The following RRBP1 variants were observed in gnomAD, a reference collection of about 807,000 sequenced individuals.
RRBP1 encodes the protein ribosome-binding protein 1.
Under a neutral mutation model 165.2 loss-of-function variants are expected in RRBP1, and 94 were observed. The observed-to-expected ratio is 0.57, with a 90% CI of 0.48 to 0.68. The LOEUF is 0.68. RRBP1 is among the 30% of genes least tolerant of loss of function. The pLI is 0.00. For synonymous variants in RRBP1, 680 were observed against 714.5 expected (o/e 0.95, Z 0.77); for missense variants, 1,676 against 1,763.0 (o/e 0.95, Z 0.88).
chr20:17,614,265 C>T, intron 24 of RRBP1, 45 bp from the exon 25 acceptor site: 1 of 1,598,670 alleles, frequency 6.3e-7, no homozygotes. Context: ...GGCCACGAGC[C>T]ATGGCAGAAC....
intron 8 of RRBP1, among the ~76,000 whole-genome samples, chr20:17,631,521 C>A (rs1055466734): frequency 6.6e-6 from 1 of 152,276 alleles, no homozygotes; most frequent in Non-Finnish European, 1.5e-5. Context: ...ACTGTCTTTG[C>A]CTTGAAGAGA....
intron 2 of RRBP1, among the ~76,000 whole-genome samples, chr20:17,674,253 G>C (rs747708365): frequency 2.0e-5 from 3 of 152,134 alleles, no homozygotes; most frequent in Non-Finnish European, 4.4e-5. Context: ...GAGAGAAGAG[G>C]AGAAACAAAG....
chr20:17,642,925 AC>A, intron 4 of RRBP1, 53 bp downstream of exon 4: 1 of 1,588,222 alleles, frequency 6.3e-7, no homozygotes, highest in Non-Finnish European at 8.6e-7. Flanking sequence ...GGGCAAAACC[AC>A]CCTAGCCAGC....
intron 20 of RRBP1, among the ~76,000 whole-genome samples, chr20:17,617,305 G>A (rs1226458314): frequency 6.6e-6 from 1 of 152,228 alleles, no homozygotes; most frequent in Non-Finnish European, 1.5e-5. Context: ...ACTGGGGTTA[G>A]GTGGCATATC....
chr20:17,676,876 T>C (rs2037092185), intron 2 of RRBP1, among the ~76,000 whole-genome samples: 1 of 152,118 alleles, frequency 6.6e-6, no homozygotes, highest in Non-Finnish European at 1.5e-5. Context: ...GCCACCTGAG[T>C]AGCCAGGACT....
At chr20:17,624,396 G>A (rs573181717) in intron 13 of RRBP1, among the ~76,000 whole-genome samples, 180 bp downstream of exon 13, 17 of 152,290 alleles carry the variant, frequency 1.1e-4, no homozygotes, top group African/African-American at 3.8e-4. Context: ...GCGTCTGTGC[G>A]TACTAGTGCA....
chr20:17,633,088 T>G (rs144484388), intron 8 of RRBP1, among the ~76,000 whole-genome samples: 1 of 152,324 alleles, frequency 6.6e-6, no homozygotes, highest in Non-Finnish European at 1.5e-5. Flanking sequence ...GCTTCTGCCA[T>G]GTCCTGGCTG....
At chr20:17,650,569 C>T (rs1458946974) in intron 3 of RRBP1, among the ~76,000 whole-genome samples, 3 of 152,212 alleles carry the variant, frequency 2.0e-5, no homozygotes, top group Non-Finnish European at 4.4e-5. Flanking sequence ...CCCTGCATCC[C>T]CGCATCCCCT....
intron 2 of RRBP1, among the ~76,000 whole-genome samples, chr20:17,669,635 G>C (rs1198922904): frequency 6.6e-6 from 1 of 152,138 alleles, no homozygotes; most frequent in Non-Finnish European, 1.5e-5. Context: ...AACAACCCAA[G>C]TTTCCAGATG....
At position 17,643,059 on chromosome 20, in the gene RRBP1, C is replaced by T; in HGVS notation, c.1981G>A (p.Val661Met). Residue 661 changes from valine to methionine, a missense_variant, in exon 4 of 25, where the codon GTG becomes ATG. Coordinates refer to ENST00000377813, the MANE Select transcript of RRBP1 (RefSeq NM_001365613.2). This position sits in a 1 kb window ranked among gnomAD's most constrained non-coding sequence, Gnocchi z 4.3. ...KTLVSTVGSMVFNEGEAQRLI... is the reference protein window; with the variant it reads ...KTLVSTVGSMMFNEGEAQRLI... ...CGCTGGGCCTCGCCCTCGTTGAACA[C>T]CATGCTCCCAACCGTGGAGACCAGC... 6.2e-7 allele frequency: 1 copy of T among 1,614,140 alleles called. No homozygotes were observed. Among genetic ancestry groups the T allele is most frequent in the South Asian group, 1.1e-5 (1 of 91,080 alleles).
At chr20:17,635,696 A>G (rs778384642) in intron 6 of RRBP1, 32 bp from the exon 7 acceptor site, 1 of 1,549,558 alleles carries the variant, frequency 6.5e-7, no homozygotes, top group Non-Finnish European at 8.9e-7. Context: ...CATCAGAGGC[A>G]GCTCGGCCTC....
intron 2 of RRBP1, among the ~76,000 whole-genome samples, chr20:17,661,040 A>T (rs1202160497): frequency 1.3e-5 from 2 of 152,234 alleles, no homozygotes; most frequent in Non-Finnish European, 2.9e-5. Flanking sequence ...ACACTTTTAA[A>T]AAATTTTTCT....
intron 3 of RRBP1, among the ~76,000 whole-genome samples, chr20:17,651,213 A>C (rs1321951527): frequency 6.6e-6 from 1 of 152,202 alleles, no homozygotes; most frequent in African/African-American, 2.4e-5. Flanking sequence ...AACTTCCTGA[A>C]GTTAGAATCA....
intron 24 of RRBP1, among the ~76,000 whole-genome samples, chr20:17,614,461 G>A (rs577602725): frequency 2.6e-5 from 4 of 152,234 alleles, no homozygotes; most frequent in Admixed American, 6.5e-5. Context: ...GGCCCACACA[G>A]GTGCAAAGTG....
chr20:17,626,212 C>T lies in RRBP1; in HGVS notation c.2964-610G>A, dbSNP rs76935011. The stretch of plus-strand genomic sequence containing the variant: ...CACATCTACATGATGCAAGAAAATT[C>T]AGATTAATCCTAACTACAACATGAG... On this transcript the variant is annotated intron_variant, in intron 11 of 24. Coordinates refer to ENST00000377813, the MANE Select transcript of RRBP1 (RefSeq NM_001365613.2). 3.6e-3 allele frequency among the ~76,000 whole-genome samples: 542 copies of T among 152,332 alleles called. 1 individual carries two copies. The highest frequency in any genetic ancestry group is 8.2e-3 in the Admixed American group (126 of 15,296).
chr20:17,677,100 G>A (rs2037097601), intron 2 of RRBP1, among the ~76,000 whole-genome samples: 1 of 151,860 alleles, frequency 6.6e-6, no homozygotes, highest in African/African-American at 2.4e-5. Context: ...CTTTTAAAAG[G>A]TGACTCAATT....
At chr20:17,633,819 G>A (rs915442363) in intron 7 of RRBP1, among the ~76,000 whole-genome samples, 3 of 152,240 alleles carry the variant, frequency 2.0e-5, no homozygotes, top group Admixed American at 6.5e-5. Context: ...TATAGTGCAT[G>A]AACCAGAGAC....
chr20:17,617,306 G>C (rs1381786601), intron 20 of RRBP1, among the ~76,000 whole-genome samples: 1 of 152,328 alleles, frequency 6.6e-6, no homozygotes, highest in East Asian at 1.9e-4. Flanking sequence ...CTGGGGTTAG[G>C]TGGCATATCT....
In RRBP1 at chr20:17,681,631, G is replaced by A. The variant is rs1311304807; in HGVS notation, c.-99+397C>T. ...AACTTAACCCCTTCCTCCGCCAGCT[G>A]TGCGCCGCCCCGCCCCGCCCCGCCG... On this transcript the variant is annotated intron_variant, in intron 1 of 24. Coordinates refer to ENST00000377813, the MANE Select transcript of RRBP1 (RefSeq NM_001365613.2). Among the ~76,000 whole-genome samples, 5 of 147,964 alleles carry A rather than the reference G, an allele frequency of 3.4e-5. No individual in the cohort carries two copies. The South Asian group carries it at 8.5e-4, about 25-fold the overall frequency.
Sources: gnomAD v4.1 joint callset for allele counts (sites outside exome capture counted in the v4.1 genomes callset) on GRCh38, gnomAD v4.1.1 for gene constraint, Gnocchi (gnomAD v3.1) non-coding constraint, MANE v1.5 for transcripts, NCBI Gene and HGNC (gene_info 2026-07-23, HGNC 2026-07-21) for gene names.